Variants in DLC1 observed in about 807,000 individuals in gnomAD.
The protein encoded by DLC1 is DLC1 Rho GTPase activating protein.
A neutral mutation model predicts 140.3 loss-of-function variants in DLC1; 54 were observed. The ratio of observed to expected loss-of-function variants is 0.38; its 90% CI spans 0.31 to 0.48. DLC1 has a LOEUF of 0.48. Among genes scored for constraint, DLC1 ranks in the 20% least tolerant of loss-of-function variants. DLC1 has a pLI of 0.96. For synonymous variants in DLC1, 986 were observed against 728.1 expected (o/e 1.35, Z -5.70); for missense variants, 2,536 against 1,907.0 (o/e 1.33, Z -6.14).
chr8:13,188,603 CT>C (rs769280491), intron 5 of DLC1, among the ~76,000 whole-genome samples: 3,219 of 116,136 alleles, frequency 0.028, 114 homozygotes, highest in African/African-American at 0.1. Flanking sequence ...ATGTCTATTA[CT>C]TTTTTTTTTT....
intron 2 of DLC1, among the ~76,000 whole-genome samples, chr8:13,426,805 T>C (rs1234397406): frequency 6.6e-6 from 1 of 152,204 alleles, no homozygotes; most frequent in Non-Finnish European, 1.5e-5. Flanking sequence ...TTCTCTTCTT[T>C]AAAATTGCCT....
chr8:13,346,294 G>T (rs7018361), intron 4 of DLC1, among the ~76,000 whole-genome samples: 75,543 of 152,016 alleles, frequency 0.5, 19,422 homozygotes, highest in Admixed American at 0.6. Flanking sequence ...TTCAGCTAAG[G>T]TTATTAACCA....
At chr8:13,294,569 G>A (rs940186931) in intron 5 of DLC1, among the ~76,000 whole-genome samples, 2 of 152,180 alleles carry the variant, frequency 1.3e-5, no homozygotes, top group East Asian at 3.9e-4. Flanking sequence ...GAGGAGCAAA[G>A]GTCAAGTTAT....
At chr8:13,562,680 T>C (rs1373073230) in intron 1 of DLC1, among the ~76,000 whole-genome samples, 1 of 152,180 alleles carries the variant, frequency 6.6e-6, no homozygotes, top group East Asian at 1.9e-4. Flanking sequence ...AAACTACATA[T>C]GTCTTCATCT....
intron 4 of DLC1, among the ~76,000 whole-genome samples, chr8:13,327,219 C>T (rs551615357): frequency 2.0e-5 from 3 of 150,324 alleles, no homozygotes; most frequent in East Asian, 2.0e-4. Flanking sequence ...ATGATCCGCC[C>T]GCCTTGGCCT....
intron 5 of DLC1, among the ~76,000 whole-genome samples, chr8:13,300,045 G>A (rs111614684): frequency 0.19 from 28,270 of 152,076 alleles, 2,836 homozygotes; most frequent in South Asian, 0.27. Context: ...ATGCCCATCA[G>A]TGATAGGCTG....
intron 5 of DLC1, among the ~76,000 whole-genome samples, chr8:13,248,305 G>A (rs750764426): frequency 6.6e-6 from 1 of 152,064 alleles, no homozygotes; most frequent in Non-Finnish European, 1.5e-5. Context: ...TGGAGACTTG[G>A]CTTCCCCCTT....
intron 5 of DLC1, among the ~76,000 whole-genome samples, chr8:13,246,816 G>A (rs539726537): frequency 6.6e-6 from 1 of 152,274 alleles, no homozygotes; most frequent in Admixed American, 6.5e-5. Flanking sequence ...CAGAGGATCT[G>A]AGACATATTT....
At chr8:13,132,806 G>A in intron 5 of DLC1, 1 of 1,108,724 alleles carries the variant, frequency 9.0e-7, no homozygotes, top group East Asian at 2.6e-5. Flanking sequence ...AAGAAAATCC[G>A]GAGACTCTGC....
intron 1 of DLC1, among the ~76,000 whole-genome samples, chr8:13,572,923 C>T (rs534240379): frequency 1.3e-5 from 2 of 152,240 alleles, no homozygotes; most frequent in East Asian, 3.9e-4. Context: ...GAATCTCTAT[C>T]CTTTTTGTTC....
chr8:13,481,412 G>A (rs1262840106), intron 2 of DLC1, among the ~76,000 whole-genome samples: 2 of 152,312 alleles, frequency 1.3e-5, no homozygotes, highest in East Asian at 1.9e-4. Flanking sequence ...GGTGATGGGA[G>A]TGAGACCTTG....
chr8:13,583,492 C>T (rs1249120559), intron 1 of DLC1, among the ~76,000 whole-genome samples: 2 of 152,168 alleles, frequency 1.3e-5, no homozygotes, highest in African/African-American at 4.8e-5. Flanking sequence ...TCTATCATAT[C>T]TGCGACAACT....
chr8:13,101,207 G>A (rs748068709), intron 8 of DLC1, among the ~76,000 whole-genome samples: 21 of 152,140 alleles, frequency 1.4e-4, no homozygotes, highest in Admixed American at 6.5e-4. Flanking sequence ...CACAGTGCCC[G>A]GTGTTTTGTT....
At chr8:13,474,805 C>T (rs898190507) in intron 2 of DLC1, among the ~76,000 whole-genome samples, 2 of 152,206 alleles carry the variant, frequency 1.3e-5, no homozygotes, top group African/African-American at 4.8e-5. Flanking sequence ...TGGCCAATTT[C>T]TCCCATTTGG....
chr8:13,390,505 C>T (rs1403196252), intron 4 of DLC1, among the ~76,000 whole-genome samples: 7 of 152,076 alleles, frequency 4.6e-5, no homozygotes, highest in Admixed American at 4.6e-4. Context: ...AATTGGATTG[C>T]TGGGTCAAAT....
At chr8:13,327,954 A>G (rs778992320) in intron 4 of DLC1, among the ~76,000 whole-genome samples, 1 of 152,210 alleles carries the variant, frequency 6.6e-6, no homozygotes, top group Non-Finnish European at 1.5e-5. Context: ...GTGGAAGAGC[A>G]CTCCTCAGAC....
At chr8:13,421,618 A>G (rs1045847089) in intron 2 of DLC1, among the ~76,000 whole-genome samples, 1 of 152,162 alleles carries the variant, frequency 6.6e-6, no homozygotes, top group African/African-American at 2.4e-5. Flanking sequence ...GTGTCCTTGC[A>G]GGAGTTAGTC....
chr8:13,465,088 T>C (rs1190172522), intron 2 of DLC1, among the ~76,000 whole-genome samples: 1 of 152,108 alleles, frequency 6.6e-6, no homozygotes, highest in African/African-American at 2.4e-5. Context: ...GTTAAGTGAG[T>C]TCATATCTGT....
At chr8:13,302,472 C>G (rs1398342805) in intron 5 of DLC1, among the ~76,000 whole-genome samples, 1 of 152,176 alleles carries the variant, frequency 6.6e-6, no homozygotes, top group Non-Finnish European at 1.5e-5. Context: ...AATGATCCCA[C>G]TGAGCTGTAT....
Sources: allele counts gnomAD v4.1 joint callset (sites outside exome capture counted in the v4.1 genomes callset), GRCh38; gene constraint gnomAD v4.1.1; transcripts MANE v1.5; gene names NCBI Gene and HGNC (gene_info 2026-07-23, HGNC 2026-07-21).